Variants in SLC35F3 observed in about 807,000 individuals in gnomAD.
SLC35F3 encodes the protein putative thiamine transporter SLC35F3.
Under a neutral mutation model 49.9 loss-of-function variants are expected in SLC35F3, and 25 were observed. The ratio of observed to expected loss-of-function variants is 0.50; its 90% CI spans 0.37 to 0.70. The LOEUF is 0.70. Ranked by LOEUF, SLC35F3 falls within the 30% of genes least tolerant of loss-of-function variation. SLC35F3 has a pLI of 0.00. For missense variants in SLC35F3, 525 were observed against 639.8 expected, an observed-to-expected ratio of 0.82 and a Z score of 1.94; for synonymous variants, 275 against 265.4, an observed-to-expected ratio of 1.04 and a Z score of -0.35.
intron 2 of SLC35F3, among the ~76,000 whole-genome samples, chr1:234,230,182 G>A (rs552184257): frequency 1.4e-4 from 21 of 152,234 alleles, no homozygotes; most frequent in African/African-American, 4.1e-4. Flanking sequence ...GTAATGCTTC[G>A]GTTTATCTTT....
At chr1:234,099,375 G>A (rs1189716997) in intron 2 of SLC35F3, among the ~76,000 whole-genome samples, 3 of 152,134 alleles carry the variant, frequency 2.0e-5, no homozygotes, top group African/African-American at 7.2e-5. Context: ...ACTTTGGGAG[G>A]CTGAGGCAGG....
intron 3 of SLC35F3, among the ~76,000 whole-genome samples, chr1:234,302,164 TG>T (rs1215940866): frequency 6.6e-5 from 10 of 151,304 alleles, no homozygotes; most frequent in Non-Finnish European, 8.9e-5. Context: ...TTGTTGTTGT[TG>T]TTGTTTTTTT....
chr1:234,180,523 A>C lies in SLC35F3; in HGVS notation c.284-50894A>C, dbSNP rs544017059. Among the ~76,000 whole-genome samples, 3 of 152,340 alleles carry C rather than the reference A, an allele frequency of 2.0e-5. No individual in the cohort carries two copies. In the East Asian group the frequency reaches 5.8e-4, roughly 29 times the overall value. ...GTCCCACTAGGACTTTAGAACACAC[A>C]CATGCACACCTTTATCTAACTCCAG... On this transcript the variant is annotated intron_variant, in intron 2 of 7. Transcript: ENST00000366618.
intron 2 of SLC35F3, among the ~76,000 whole-genome samples, chr1:234,018,378 G>C (rs1339939448): frequency 2.0e-5 from 3 of 152,174 alleles, no homozygotes; most frequent in Non-Finnish European, 4.4e-5. Context: ...TCTGAGGAAT[G>C]TACAGCCAGG....
intron 2 of SLC35F3, among the ~76,000 whole-genome samples, chr1:233,953,558 C>A (rs7518747): frequency 0.25 from 37,807 of 152,062 alleles, 5,969 homozygotes; most frequent in African/African-American, 0.45. Context: ...GTCAACTCTC[C>A]GTCATAGCTC....
At chr1:234,262,799 TCTC>T (rs1301801628) in intron 3 of SLC35F3, among the ~76,000 whole-genome samples, 1 of 152,110 alleles carries the variant, frequency 6.6e-6, no homozygotes, top group Non-Finnish European at 1.5e-5. Flanking sequence ...GTTCCCCACT[TCTC>T]CTTTCCAGCC....
intron 2 of SLC35F3, among the ~76,000 whole-genome samples, chr1:233,986,844 C>T (rs1663273215): frequency 6.6e-6 from 1 of 152,300 alleles, no homozygotes; most frequent in African/African-American, 2.4e-5. Context: ...GATTACGTCC[C>T]AGGCTTTCTG....
chr1:234,193,325 C>A (rs1184707224), intron 2 of SLC35F3, among the ~76,000 whole-genome samples: 1 of 152,026 alleles, frequency 6.6e-6, no homozygotes, highest in Non-Finnish European at 1.5e-5. Flanking sequence ...ACAAAGCAAA[C>A]AAAAACATAA....
At chr1:234,275,766 A>AT (rs1274689472) in intron 3 of SLC35F3, among the ~76,000 whole-genome samples, 1 of 99,486 alleles carries the variant, frequency 1.0e-5, no homozygotes, top group Non-Finnish European at 2.2e-5. Context: ...AAAAAAAAAT[A>AT]TATATATATA....
intron 2 of SLC35F3, among the ~76,000 whole-genome samples, chr1:233,942,121 C>T (rs1000386064): frequency 5.3e-5 from 8 of 152,084 alleles, no homozygotes; most frequent in African/African-American, 1.9e-4. Context: ...CCACCACACC[C>T]AGCTAATTTT....
chr1:234,221,218 C>G (rs887651477), intron 2 of SLC35F3, among the ~76,000 whole-genome samples: 3 of 151,968 alleles, frequency 2.0e-5, no homozygotes, highest in Admixed American at 6.6e-5. Context: ...TTACTGGATA[C>G]TTGGTTGAAG....
chr1:233,995,072 G>A (rs144657933), intron 2 of SLC35F3, among the ~76,000 whole-genome samples: 2 of 152,322 alleles, frequency 1.3e-5, no homozygotes, highest in East Asian at 3.9e-4. Flanking sequence ...ATGCTACCAT[G>A]TGTGCAATGC....
chr1:234,265,104 T>G (rs1218185047), intron 3 of SLC35F3, among the ~76,000 whole-genome samples: 1 of 152,164 alleles, frequency 6.6e-6, no homozygotes, highest in African/African-American at 2.4e-5. Flanking sequence ...GACCCCCAGA[T>G]GCATGCCCTC....
chr1:234,298,673 G>T (rs1434148419), intron 3 of SLC35F3, among the ~76,000 whole-genome samples: 1 of 152,122 alleles, frequency 6.6e-6, no homozygotes, highest in Non-Finnish European at 1.5e-5. Context: ...GCCCAGGAAT[G>T]ATCAATTTGC....
At chr1:234,079,938 A>C (rs1012992257) in intron 2 of SLC35F3, among the ~76,000 whole-genome samples, 1 of 152,132 alleles carries the variant, frequency 6.6e-6, no homozygotes, top group Non-Finnish European at 1.5e-5. Flanking sequence ...AACGCTAGAG[A>C]TTTCTTGAGT....
intron 3 of SLC35F3, chr1:234,285,341 G>C (rs186781814): frequency 2.1e-6 from 1 of 484,180 alleles, no homozygotes; most frequent in Non-Finnish European, 4.2e-6. Context: ...ACATCCGCAG[G>C]GTTCAGATGA....
In SLC35F3 at chr1:234,305,444, A is replaced by G. The variant is rs1407559370; in HGVS notation, c.609-3657A>G. On this transcript the variant is annotated intron_variant, in intron 3 of 7. Coordinates refer to ENST00000366618, the MANE Select transcript of SLC35F3 (RefSeq NM_173508.4). ...TGTCACCAGGCTAGAATGCAGTGGC[A>G]CCACCTTGGCTCACTGCAACCTCCG... Among the ~76,000 whole-genome samples, 11 of 147,830 alleles carry G rather than the reference A, an allele frequency of 7.4e-5. No individual in the cohort carries two copies. In the Admixed American group the frequency reaches 7.7e-4, roughly 10 times the overall value.
At chr1:234,322,648 T>G (rs1558110543) in intron 7 of SLC35F3, among the ~76,000 whole-genome samples, 1 of 92,194 alleles carries the variant, frequency 1.1e-5, no homozygotes, top group African/African-American at 5.0e-5. Flanking sequence ...AAGGGTCAAA[T>G]GCGTGTGTGT....
chr1:234,057,188 C>A (rs1423690248), intron 2 of SLC35F3, among the ~76,000 whole-genome samples: 1 of 152,048 alleles, frequency 6.6e-6, no homozygotes, highest in Non-Finnish European at 1.5e-5. Context: ...GTATTGATTT[C>A]TATAAAAACA....
Sources: allele counts gnomAD v4.1 joint callset (sites outside exome capture counted in the v4.1 genomes callset), GRCh38; gene constraint gnomAD v4.1.1; transcripts MANE v1.5; gene names NCBI Gene and HGNC (gene_info 2026-07-23, HGNC 2026-07-21).